Variants in PCGF5 observed in about 807,000 individuals in gnomAD.
The protein encoded by PCGF5 is polycomb group ring finger 5, also known as polycomb group RING finger protein 5.
In PCGF5, 9 loss-of-function variants were observed where a neutral mutation model predicts 44.3. That is an observed-to-expected ratio of 0.20 (90% CI 0.12 to 0.35). The LOEUF (loss-of-function observed/expected upper bound fraction) is 0.35, where lower values mean the gene tolerates loss of function less well. PCGF5 is among the 10% of genes least tolerant of loss of function. The pLI is 1.00. For missense variants in PCGF5, 146 were observed against 305.3 expected, an observed-to-expected ratio of 0.48 and a Z score of 3.89; for synonymous variants, 95 against 102.5, an observed-to-expected ratio of 0.93 and a Z score of 0.44.
upstream of PCGF5, among the ~76,000 whole-genome samples, chr10:91,159,174 C>A (rs919786860): frequency 2.0e-5 from 3 of 152,152 alleles, no homozygotes; most frequent in Admixed American, 2.0e-4. Flanking sequence ...AGGGAACATA[C>A]AATTAGGGCC....
At chr10:91,217,065 G>A (rs1350564092), upstream of PCGF5, among the ~76,000 whole-genome samples, 2 of 150,790 alleles carry the variant, frequency 1.3e-5, no homozygotes, top group African/African-American at 4.9e-5. Context: ...AGAGTCTCTC[G>A]CTCTGTCGCC....
intron 1 of PCGF5, among the ~76,000 whole-genome samples, chr10:91,164,436 G>C (rs1843460409): frequency 6.6e-6 from 1 of 152,224 alleles, no homozygotes; most frequent in African/African-American, 2.4e-5. Flanking sequence ...TCGCTGCAGG[G>C]CTGGGTCCTG....
At chr10:91,190,621 C>T (rs1844015054) in intron 1 of PCGF5, among the ~76,000 whole-genome samples, 1 of 152,190 alleles carries the variant, frequency 6.6e-6, no homozygotes, top group Non-Finnish European at 1.5e-5. Flanking sequence ...TTCTGTGTAA[C>T]ATTGATGCTC....
At chr10:91,200,521 C>G (rs1422300857) in intron 1 of PCGF5, among the ~76,000 whole-genome samples, 1 of 152,166 alleles carries the variant, frequency 6.6e-6, no homozygotes, top group Non-Finnish European at 1.5e-5. Flanking sequence ...GCATTGAAAG[C>G]TGTGCATTGC....
At position 91,229,393 on chromosome 10, in the gene PCGF5, A is replaced by T. The variant is rs1286642152; in HGVS notation, c.112+6410A>T. Among the ~76,000 whole-genome samples the T allele has an allele frequency of 7.9e-5, 12 of 152,348 alleles. No individual in the cohort carries two copies. The East Asian group carries it at 2.3e-3, about 29-fold the overall frequency. On this transcript the variant is annotated intron_variant, in intron 2 of 9. Transcript: ENST00000336126. ...CTTGGAAGTGGCCATCTGAGCAGGG[A>T]CTAAAATAATAGGAAGGATCAATCT... is the stretch of plus-strand genomic sequence containing the variant.
chr10:91,243,847 G>A (rs1589391104), intron 3 of PCGF5, among the ~76,000 whole-genome samples: 1 of 152,094 alleles, frequency 6.6e-6, no homozygotes, highest in Admixed American at 6.5e-5. Flanking sequence ...TGGTGTTAAT[G>A]TTCCTACTAA....
intron 1 of PCGF5, among the ~76,000 whole-genome samples, 176 bp downstream of exon 1, chr10:91,221,012 A>G (rs938172522): frequency 1.3e-5 from 2 of 151,500 alleles, no homozygotes; most frequent in Non-Finnish European, 1.5e-5. Flanking sequence ...AGCTGTGCCT[A>G]CCTCGGCGGG....
At chr10:91,175,765 A>G (rs892981563) in intron 1 of PCGF5, among the ~76,000 whole-genome samples, 3 of 152,206 alleles carry the variant, frequency 2.0e-5, no homozygotes, top group Non-Finnish European at 2.9e-5. Context: ...TTTGCTTGGT[A>G]GATCTTCCTC....
chr10:91,248,576 G>A lies in PCGF5; in HGVS notation c.265+16G>A. 1 of 1,610,730 alleles carries A rather than the reference G, an allele frequency of 6.2e-7. No individual in the cohort carries two copies. The highest frequency in any genetic ancestry group is 1.7e-4 in the Middle Eastern group (1 of 6,046). ...CTACGAGAACGTAAGTGGCTCTTTA[G>A]GTTCTTGCAGACTTTTGTGTTTTAT... On this transcript the variant is annotated intron_variant, in intron 4 of 9. Coordinates refer to ENST00000336126, the MANE Select transcript of PCGF5 (RefSeq NM_032373.5).
intron 1 of PCGF5, among the ~76,000 whole-genome samples, chr10:91,197,500 AT>A (rs1175049204): frequency 1.1e-4 from 17 of 152,302 alleles, no homozygotes; most frequent in African/African-American, 3.8e-4. Context: ...GTATTATATT[AT>A]CTAACCCCTG....
chr10:91,256,968 G>C (rs78883416), intron 6 of PCGF5, among the ~76,000 whole-genome samples: 36,829 of 151,982 alleles, frequency 0.24, 5,540 homozygotes, highest in Middle Eastern at 0.34. Flanking sequence ...AATTGTAAAT[G>C]TAAAACTTCA....
At chr10:91,250,629 C>G (rs926789438) in intron 5 of PCGF5, among the ~76,000 whole-genome samples, 1 of 150,736 alleles carries the variant, frequency 6.6e-6, no homozygotes, top group African/African-American at 2.4e-5. Context: ...ATAGTTAGAA[C>G]TACTCAACAG....
At chr10:91,260,200 A>G (rs1011295274) in intron 6 of PCGF5, among the ~76,000 whole-genome samples, 1 of 152,176 alleles carries the variant, frequency 6.6e-6, no homozygotes, top group Non-Finnish European at 1.5e-5. Flanking sequence ...GCCAACAGAC[A>G]TGTGAAAAAA....
At chr10:91,162,861 C>G (rs1419641581), upstream of PCGF5, among the ~76,000 whole-genome samples, 1 of 146,868 alleles carries the variant, frequency 6.8e-6, no homozygotes, top group Non-Finnish European at 1.5e-5. Context: ...CGCGCTCGCC[C>G]CGCGCCCGCC....
intron 9 of PCGF5, among the ~76,000 whole-genome samples, chr10:91,273,588 T>C (rs1019474666): frequency 6.6e-6 from 1 of 152,188 alleles, no homozygotes; most frequent in African/African-American, 2.4e-5. Flanking sequence ...CCTGAAAGGA[T>C]AACTAAATGG....
chr10:91,180,984 A>G (rs1020543989), intron 1 of PCGF5, among the ~76,000 whole-genome samples: 4 of 152,226 alleles, frequency 2.6e-5, no homozygotes, highest in African/African-American at 9.6e-5. Context: ...ATCTATGAGC[A>G]TGGAATGTTT....
chr10:91,176,296 G>A (rs1411621420), intron 1 of PCGF5, among the ~76,000 whole-genome samples: 3 of 152,196 alleles, frequency 2.0e-5, no homozygotes, highest in Non-Finnish European at 2.9e-5. Flanking sequence ...AGTCTGATGG[G>A]CTTCCCTTTG....
chr10:91,204,826 T>C (rs951463465), intron 1 of PCGF5, among the ~76,000 whole-genome samples: 2 of 152,204 alleles, frequency 1.3e-5, no homozygotes, highest in Non-Finnish European at 2.9e-5. Context: ...TCTGTGTAGG[T>C]CACCAAGATC....
At chr10:91,229,333 G>T (rs1844937998) in intron 2 of PCGF5, among the ~76,000 whole-genome samples, 1 of 152,176 alleles carries the variant, frequency 6.6e-6, no homozygotes, top group African/African-American at 2.4e-5. Flanking sequence ...TGCTATACAT[G>T]ACAAATGCTA....
Sources: gnomAD v4.1 joint callset for allele counts (sites outside exome capture counted in the v4.1 genomes callset) on GRCh38, gnomAD v4.1.1 for gene constraint, MANE v1.5 for transcripts, NCBI Gene and HGNC (gene_info 2026-07-23, HGNC 2026-07-21) for gene names.